Variants in MED15 observed in about 807,000 individuals in gnomAD.
The protein encoded by MED15 is mediator of RNA polymerase II transcription subunit 15.
In MED15, 41 loss-of-function variants were observed where a neutral mutation model predicts 118.7. The observed-to-expected ratio is 0.35, with a 90% CI of 0.27 to 0.45. The LOEUF (loss-of-function observed/expected upper bound fraction) is 0.45, where lower values mean the gene tolerates loss of function less well. Among genes scored for constraint, MED15 ranks in the 20% least tolerant of loss-of-function variants. MED15 has a pLI of 1.00. For synonymous variants in MED15, 436 were observed against 413.9 expected (o/e 1.05, Z -0.65); for missense variants, 740 against 1,025.5 (o/e 0.72, Z 3.80).
At chr22:20,529,955 C>T (rs991675501) in intron 1 of MED15, among the ~76,000 whole-genome samples, 5 of 152,158 alleles carry the variant, frequency 3.3e-5, no homozygotes, top group African/African-American at 1.2e-4. Context: ...AACTCCTGAC[C>T]TCAAGTGATC....
chr22:20,540,556 A>G (rs2055255999), intron 2 of MED15, among the ~76,000 whole-genome samples: 1 of 152,182 alleles, frequency 6.6e-6, no homozygotes, highest in Admixed American at 6.6e-5. Flanking sequence ...CCTGGGTGAC[A>G]GAGTGAGACT....
intron 8 of MED15, among the ~76,000 whole-genome samples, chr22:20,572,795 C>G (rs767564023): frequency 3.9e-5 from 6 of 152,138 alleles, no homozygotes; most frequent in Non-Finnish European, 5.9e-5. Context: ...CGGAGTGGTG[C>G]GTGTCTGCAG....
chr22:20,508,397 GT>G, intron 1 of MED15: 5 of 1,304,156 alleles, frequency 3.8e-6, no homozygotes, highest in African/African-American at 1.5e-5. Context: ...TCTGTTAGCA[GT>G]TTTTTTCATG....
At chr22:20,579,321 G>A (rs772224016) in intron 9 of MED15, among the ~76,000 whole-genome samples, 1 of 152,290 alleles carries the variant, frequency 6.6e-6, no homozygotes, top group African/African-American at 2.4e-5. Flanking sequence ...TGGGCACAGG[G>A]CCTGGCTTCC....
chr22:20,552,810 A>G (rs2055832385), intron 3 of MED15: 3 of 311,924 alleles, frequency 9.6e-6, no homozygotes, highest in Non-Finnish European at 1.8e-5. Flanking sequence ...GTGTTCTATT[A>G]TTTGTTTGCT....
intron 1 of MED15, among the ~76,000 whole-genome samples, chr22:20,527,725 G>A (rs530582049): frequency 1.6e-4 from 24 of 152,168 alleles, no homozygotes; most frequent in South Asian, 1.2e-3. Flanking sequence ...TTGGGAGGCC[G>A]AGGGCAGGCG....
At position 20,582,757 on chromosome 22, in the gene MED15, G is replaced by A. The variant is rs962278103; in HGVS notation, c.1409+10G>A. ...CCAACTCCAACGTCAGGTAGGCCTG[G>A]CCTGGGGTGCCCCTCCCCACCTGGC... On this transcript the variant is annotated intron_variant, in intron 10 of 17. Coordinates refer to ENST00000263205, the MANE Select transcript of MED15 (RefSeq NM_001003891.3). 2 of 1,588,964 alleles carry A rather than the reference G, an allele frequency of 1.3e-6. No homozygotes were observed. The highest frequency in any genetic ancestry group is 1.7e-6 in the Non-Finnish European group (2 of 1,171,580).
In MED15 at chr22:20,532,698, A is replaced by G. The variant is rs755013673; in HGVS notation, c.69-4419A>G. Among the ~76,000 whole-genome samples the G allele has an allele frequency of 1.1e-4, 17 of 152,280 alleles. No homozygotes were observed. The Middle Eastern group carries it at 0.024, about 213-fold the overall frequency. Reference sequence around the variant, plus strand: ...TCCTCAGCTAGAGCGAGCACCACCCAGGCAGCCTTGGGTTCTTTGGTGGCC... The same window carrying G: ...TCCTCAGCTAGAGCGAGCACCACCCGGGCAGCCTTGGGTTCTTTGGTGGCC... On this transcript the variant is annotated intron_variant, in intron 1 of 17. Coordinates refer to ENST00000263205, the MANE Select transcript of MED15 (RefSeq NM_001003891.3).
intron 5 of MED15, among the ~76,000 whole-genome samples, 178 bp from the exon 6 acceptor site, chr22:20,564,272 C>G (rs1023565388): frequency 6.6e-6 from 1 of 152,180 alleles, no homozygotes; most frequent in African/African-American, 2.4e-5. Flanking sequence ...ATCCCAAAAT[C>G]AACACAAATG....
chr22:20,557,179 A>G (rs1169740783), intron 5 of MED15, among the ~76,000 whole-genome samples: 2 of 152,104 alleles, frequency 1.3e-5, no homozygotes. Flanking sequence ...AGCAGCTGCT[A>G]AGGAGAACTG....
rs531783633 is a variant in MED15, at chr22:20,508,708, G to T, written c.68+962G>T. On this transcript the variant is annotated intron_variant, in intron 1 of 17. Transcript: ENST00000263205. ...GGTGGGGCAGGAACAAATCACAATG[G>T]TGGAATGTCATCAGTTACGGCTGTT... Among the ~76,000 whole-genome samples, 16 of 152,308 alleles carry T rather than the reference G, an allele frequency of 1.1e-4. 1 individual carries two copies. In the South Asian group the frequency reaches 3.3e-3, roughly 32 times the overall value.
At chr22:20,559,941 G>A (rs149347442) in intron 5 of MED15, among the ~76,000 whole-genome samples, 1 of 152,324 alleles carries the variant, frequency 6.6e-6, no homozygotes, top group East Asian at 1.9e-4. Context: ...GATAGTAAAT[G>A]TGTATAAATC....
At chr22:20,508,038 C>T in intron 1 of MED15, 1 of 1,385,770 alleles carries the variant, frequency 7.2e-7, no homozygotes, top group South Asian at 1.5e-5. Context: ...AGACTTTCCC[C>T]CGCTTTTTGA....
intron 1 of MED15, among the ~76,000 whole-genome samples, chr22:20,518,504 A>G (rs140007226): frequency 4.8e-4 from 73 of 152,228 alleles, no homozygotes; most frequent in African/African-American, 1.7e-3. Flanking sequence ...TCCCCTCCAG[A>G]TGACCCCTGA....
chr22:20,585,407 C>T (rs1356428443), intron 16 of MED15, 140 bp downstream of exon 16: 27 of 1,155,570 alleles, frequency 2.3e-5, no homozygotes, highest in Admixed American at 5.0e-5. Context: ...GCTCTATCCT[C>T]ACACACACCG....
chr22:20,549,823 G>T (rs2146508623), intron 2 of MED15, among the ~76,000 whole-genome samples: 1 of 152,316 alleles, frequency 6.6e-6, no homozygotes, highest in South Asian at 2.1e-4. Flanking sequence ...GGCACTGCAG[G>T]ATGATGATGC....
At chr22:20,536,530 G>A (rs141524522) in intron 1 of MED15, among the ~76,000 whole-genome samples, 20 of 152,358 alleles carry the variant, frequency 1.3e-4, no homozygotes, top group Middle Eastern at 3.4e-3. Flanking sequence ...TCACATTTAT[G>A]TGGTCTTTCT....
intron 9 of MED15, among the ~76,000 whole-genome samples, chr22:20,577,903 T>G (rs1051236322): frequency 3.9e-5 from 6 of 152,038 alleles, no homozygotes; most frequent in Non-Finnish European, 7.4e-5. Flanking sequence ...TTTGTTCTGT[T>G]ATTTTGTTGT....
At chr22:20,584,272 C>A in intron 13 of MED15, 87 bp from the exon 14 acceptor site, 1 of 1,375,758 alleles carries the variant, frequency 7.3e-7, no homozygotes, top group Non-Finnish European at 1.0e-6. Flanking sequence ...TTTCTGATGG[C>A]TGAGGCCCAG....
Sources: allele counts gnomAD v4.1 joint callset (sites outside exome capture counted in the v4.1 genomes callset), GRCh38; gene constraint gnomAD v4.1.1; transcripts MANE v1.5; gene names NCBI Gene and HGNC (gene_info 2026-07-23, HGNC 2026-07-21).